The following PRKG1 variants were observed in gnomAD, a reference collection of about 807,000 sequenced individuals.
The protein encoded by PRKG1 is protein kinase cGMP-dependent 1, also known as cGMP-dependent protein kinase 1.
PRKG1 carries 35 observed loss-of-function variants against 88.1 expected under a neutral mutation model. The ratio of observed to expected loss-of-function variants is 0.40; its 90% CI spans 0.30 to 0.53. PRKG1 has a LOEUF of 0.53. Among genes scored for constraint, PRKG1 ranks in the 20% least tolerant of loss-of-function variants. The pLI, the probability that PRKG1 is intolerant of heterozygous loss-of-function variation, is 0.59. For missense variants in PRKG1, 540 were observed against 839.8 expected (o/e 0.64, Z 4.41); for synonymous variants, 303 against 292.5 (o/e 1.04, Z -0.37).
chr10:51,301,375 G>A (rs999197813), intron 2 of PRKG1, among the ~76,000 whole-genome samples: 2 of 151,984 alleles, frequency 1.3e-5, no homozygotes, highest in South Asian at 2.1e-4. Flanking sequence ...GAAAAAAAAT[G>A]CCTAAAAGAA....
chr10:52,243,612 T>G (rs1170766144), intron 9 of PRKG1, among the ~76,000 whole-genome samples: 4 of 152,184 alleles, frequency 2.6e-5, no homozygotes, highest in Non-Finnish European at 2.9e-5. Context: ...ATGTGAAACA[T>G]GCCCAAGGTC....
intron 3 of PRKG1, among the ~76,000 whole-genome samples, chr10:51,522,818 T>C (rs769651023): frequency 6.6e-5 from 10 of 152,306 alleles, no homozygotes; most frequent in Non-Finnish European, 1.3e-4. Context: ...AATGTGTTGT[T>C]GCTAAGATGA....
At chr10:51,162,338 A>G (rs974238699) in intron 2 of PRKG1, among the ~76,000 whole-genome samples, 3 of 152,010 alleles carry the variant, frequency 2.0e-5, no homozygotes, top group Admixed American at 2.0e-4. Flanking sequence ...AATTGCACCT[A>G]CTTCATCTGA....
At chr10:51,472,257 G>T (rs75139821) in intron 3 of PRKG1, among the ~76,000 whole-genome samples, 1 of 151,824 alleles carries the variant, frequency 6.6e-6, no homozygotes, top group Admixed American at 6.6e-5. Flanking sequence ...AAATAAATTT[G>T]AGTCTATGTA....
chr10:52,111,863 T>C (rs1237197641), intron 7 of PRKG1, among the ~76,000 whole-genome samples: 1 of 152,230 alleles, frequency 6.6e-6, no homozygotes, highest in African/African-American at 2.4e-5. Flanking sequence ...CTAAGTGCTC[T>C]TCCCATATCT....
chr10:51,299,026 G>T (rs193165141), intron 2 of PRKG1, among the ~76,000 whole-genome samples: 59 of 152,220 alleles, frequency 3.9e-4, no homozygotes, highest in African/African-American at 1.3e-3. Flanking sequence ...AAAGGAATAT[G>T]ACCATTACTC....
At chr10:51,133,741 G>T (rs1226797514) in intron 1 of PRKG1, among the ~76,000 whole-genome samples, 1 of 151,914 alleles carries the variant, frequency 6.6e-6, no homozygotes, top group Non-Finnish European at 1.5e-5. Context: ...AATATCAAAG[G>T]GAAGATATTA....
intron 3 of PRKG1, among the ~76,000 whole-genome samples, chr10:51,554,137 C>T (rs867464535): frequency 3.7e-5 from 5 of 136,448 alleles, no homozygotes; most frequent in Admixed American, 7.4e-5. Flanking sequence ...ATTATATGTG[C>T]GTATGTGATA....
chr10:51,341,651 T>G (rs767416670), intron 2 of PRKG1, among the ~76,000 whole-genome samples: 1 of 152,178 alleles, frequency 6.6e-6, no homozygotes, highest in Non-Finnish European at 1.5e-5. Flanking sequence ...CACTTGATAT[T>G]TGATAGGAAG....
chr10:52,134,109 CT>C (rs1398125012), intron 8 of PRKG1, among the ~76,000 whole-genome samples: 1 of 152,110 alleles, frequency 6.6e-6, no homozygotes, highest in Non-Finnish European at 1.5e-5. Flanking sequence ...TAACAAGGTA[CT>C]TAACCACTGT....
At chr10:51,624,751 A>G (rs1247115523) in intron 3 of PRKG1, among the ~76,000 whole-genome samples, 3 of 152,276 alleles carry the variant, frequency 2.0e-5, no homozygotes, top group Non-Finnish European at 4.4e-5. Flanking sequence ...TTCTCACAAC[A>G]GACTGTTATG....
At chr10:52,178,925 G>GGTGTT (rs1262750770) in intron 9 of PRKG1, among the ~76,000 whole-genome samples, 1 of 150,872 alleles carries the variant, frequency 6.6e-6, no homozygotes, top group Admixed American at 6.6e-5. Context: ...CATATGGTTG[G>GGTGTT]GTGTTGTTTT....
intron 2 of PRKG1, among the ~76,000 whole-genome samples, chr10:51,187,840 G>T (rs185690773): frequency 1.3e-5 from 2 of 152,028 alleles, no homozygotes; most frequent in African/African-American, 4.8e-5. Flanking sequence ...ATGTGCTTCA[G>T]TTCCACTAGG....
At chr10:51,902,552 AC>A (rs1295058745) in intron 4 of PRKG1, among the ~76,000 whole-genome samples, 11 of 152,326 alleles carry the variant, frequency 7.2e-5, no homozygotes, top group African/African-American at 2.6e-4. Context: ...AAATGTATTT[AC>A]TTGTTGTTTT....
intron 5 of PRKG1, among the ~76,000 whole-genome samples, chr10:51,958,573 T>C (rs1474318382): frequency 6.9e-6 from 1 of 145,976 alleles, no homozygotes; most frequent in Admixed American, 6.9e-5. Flanking sequence ...CAGTTGGACG[T>C]CTACAGAGTA....
intron 7 of PRKG1, among the ~76,000 whole-genome samples, chr10:52,130,574 G>T (rs1025160526): frequency 1.3e-5 from 2 of 152,118 alleles, no homozygotes; most frequent in Non-Finnish European, 2.9e-5. Context: ...GCTAAATTTA[G>T]TATTATATTT....
intron 1 of PRKG1, among the ~76,000 whole-genome samples, chr10:51,020,151 C>T (rs1843117165): frequency 6.6e-6 from 1 of 152,122 alleles, no homozygotes. Flanking sequence ...CTTTTACATG[C>T]TAGGCTAATT....
intron 9 of PRKG1, among the ~76,000 whole-genome samples, chr10:52,217,999 G>T (rs1840152966): frequency 6.6e-6 from 1 of 151,934 alleles, no homozygotes. Context: ...GGTTCACAAG[G>T]TCAGGAGTTC....
intron 4 of PRKG1, among the ~76,000 whole-genome samples, chr10:51,815,502 G>GAATC (rs1839560989): frequency 6.6e-6 from 1 of 152,106 alleles, no homozygotes. Flanking sequence ...ATCTGATAGA[G>GAATC]AATCGGAAGT....
Sources: gnomAD v4.1 joint callset for allele counts (sites outside exome capture counted in the v4.1 genomes callset) on GRCh38, gnomAD v4.1.1 for gene constraint, MANE v1.5 for transcripts, NCBI Gene and HGNC (gene_info 2026-07-23, HGNC 2026-07-21) for gene names.